The following MGST2 variants were observed in gnomAD, a reference collection of about 807,000 sequenced individuals.
MGST2 encodes the protein microsomal glutathione S-transferase 2.
In MGST2, 9 loss-of-function variants were observed where a neutral mutation model predicts 16.6. The ratio of observed to expected loss-of-function variants is 0.54; its 90% CI spans 0.33 to 0.95. MGST2 has a LOEUF of 0.95. Among genes scored for constraint, MGST2 ranks in the 40% least tolerant of loss-of-function variants. The probability of loss-of-function intolerance (pLI) is 0.03; values close to 1 mark genes in which losing one functional copy is unlikely to be tolerated. For synonymous variants in MGST2, 79 were observed against 68.0 expected, an observed-to-expected ratio of 1.16 and a Z score of -0.79; for missense variants, 159 against 175.1, an observed-to-expected ratio of 0.91 and a Z score of 0.52.
At chr4:139,725,890 A>G (rs1209412414) in intron 5 of MGST2, 1 of 1,418,686 alleles carries the variant, frequency 7.0e-7, no homozygotes, top group African/African-American at 1.4e-5. Flanking sequence ...GCAAGCACAC[A>G]ATTCAATATC....
rs532698914 is a variant in MGST2, at chr4:139,703,659, T to C, written c.311+123T>C. On this transcript the variant is annotated intron_variant, in intron 4 of 4. Coordinates refer to ENST00000265498, the MANE Select transcript of MGST2 (RefSeq NM_002413.5). ...TTGTGGTGGCAAAAGTAATCCATAC[T>C]GTCTGAGGTCAAGTCTTGCCAGTTC... The C allele has an allele frequency of 1.6e-4, 142 of 911,178 alleles. 1 individual carries two copies. The South Asian group carries it at 1.8e-3, about 12-fold the overall frequency. 56.4% of individuals were successfully genotyped at this position (911,178 alleles called of 1,614,324 possible).
chr4:139,698,384 C>A, intron 3 of MGST2: 1 of 1,601,796 alleles, frequency 6.2e-7, no homozygotes, highest in Non-Finnish European at 8.6e-7. Flanking sequence ...GTTCAGTGGA[C>A]TTCTGATAAC....
the MGST2 span, among the ~76,000 whole-genome samples, chr4:139,753,158 A>T: frequency 2.9e-3 from 435 of 152,338 alleles, 1 homozygote; most frequent in African/African-American, 9.7e-3. Context: ...TCATTGGGGT[A>T]AAATATACAT....
intron 2 of MGST2, among the ~76,000 whole-genome samples, chr4:139,693,483 C>G (rs1408290112): frequency 6.6e-6 from 1 of 151,752 alleles, no homozygotes; most frequent in African/African-American, 2.4e-5. Context: ...TACATTTTAC[C>G]TCGTGGGAAA....
At chr4:139,751,883 T>G in the MGST2 span, among the ~76,000 whole-genome samples, 10 of 152,184 alleles carry the variant, frequency 6.6e-5, no homozygotes, top group Admixed American at 1.3e-4. Context: ...AAGGTTACAG[T>G]ATAGCTCCTT....
intron 1 of MGST2, among the ~76,000 whole-genome samples, chr4:139,676,192 A>G (rs772308940): frequency 4.6e-5 from 7 of 152,320 alleles, no homozygotes; most frequent in East Asian, 1.9e-4. Context: ...TTCATTCAGC[A>G]TAATTATTTT....
At chr4:139,705,936 A>G (rs1339484714), downstream of MGST2, among the ~76,000 whole-genome samples, 1 of 152,208 alleles carries the variant, frequency 6.6e-6, no homozygotes, top group Non-Finnish European at 1.5e-5. Flanking sequence ...ACAGCTTTCA[A>G]ATAAAAGGCA....
intron 1 of MGST2, among the ~76,000 whole-genome samples, chr4:139,674,644 G>A (rs1730873966): frequency 6.6e-6 from 1 of 152,026 alleles, no homozygotes; most frequent in Non-Finnish European, 1.5e-5. Flanking sequence ...AGCTGGGCAT[G>A]GTGGCACATG....
chr4:139,712,093 G>A (rs186967), intron 5 of MGST2, among the ~76,000 whole-genome samples: 151,193 of 152,328 alleles, frequency 0.99, 75,036 homozygotes, highest in East Asian at 1. Flanking sequence ...TAGCAGTAAT[G>A]TATTCCACAA....
chr4:139,707,743 C>A (rs575148531), downstream of MGST2, among the ~76,000 whole-genome samples: 4 of 152,164 alleles, frequency 2.6e-5, no homozygotes, highest in East Asian at 7.7e-4. Context: ...TGAATGATCG[C>A]CATTCTAACT....
Position 139,703,179 on chromosome 4 carries a change from G to A in MGST2, c.230-276G>A, listed in dbSNP as rs141408387. ...GACCTCAAGTGATTCACCCCCCCTC[G>A]GCCTCTCAAAGTGTTGGGAATACAG... On this transcript the variant is annotated intron_variant, in intron 3 of 4. Transcript: ENST00000265498. Among the ~76,000 whole-genome samples, 1,261 of 151,724 alleles carry A rather than the reference G, an allele frequency of 8.3e-3. 13 individuals are homozygous for A. Among genetic ancestry groups the A allele is most frequent in the African/African-American group, 0.028 (1,148 of 41,278 alleles).
At chr4:139,709,626 G>A (rs1482619417) in intron 5 of MGST2, among the ~76,000 whole-genome samples, 1 of 152,140 alleles carries the variant, frequency 6.6e-6, no homozygotes, top group African/African-American at 2.4e-5. Context: ...AAGTGTATAG[G>A]TATTCGTTGT....
At chr4:139,687,872 T>C (rs1214843777) in intron 2 of MGST2, 2 of 152,230 alleles carry the variant, frequency 1.3e-5, no homozygotes, top group Non-Finnish European at 1.5e-5. Context: ...TGACAGTCTC[T>C]AGAGTCTTGC....
chr4:139,698,098 A>ATT (rs56810365), intron 3 of MGST2: 15,697 of 875,394 alleles, frequency 0.018, 1 homozygote, highest in East Asian at 0.05. Context: ...AAGAAGAGAA[A>ATT]TTTTTTTTTT....
chr4:139,692,585 C>T (rs1365693716), intron 2 of MGST2, among the ~76,000 whole-genome samples: 2 of 152,212 alleles, frequency 1.3e-5, no homozygotes, highest in Non-Finnish European at 2.9e-5. Flanking sequence ...TGAGGCATGG[C>T]ACCACTTGTA....
chr4:139,739,416 TGA>T (rs2111017703), intron 5 of MGST2, among the ~76,000 whole-genome samples: 1 of 152,320 alleles, frequency 6.6e-6, no homozygotes, highest in East Asian at 1.9e-4. Context: ...AACACAACTT[TGA>T]GAGTTATGCT....
At chr4:139,738,814 G>T (rs540157714) in intron 5 of MGST2, among the ~76,000 whole-genome samples, 2 of 152,078 alleles carry the variant, frequency 1.3e-5, no homozygotes, top group African/African-American at 4.8e-5. Context: ...TTAATATTTT[G>T]ATGTGTTTTT....
intron 5 of MGST2, chr4:139,720,282 G>T (rs776869274): frequency 6.4e-7 from 1 of 1,567,724 alleles, no homozygotes; most frequent in Non-Finnish European, 8.7e-7. Context: ...ATGCTCTGGA[G>T]GGCTGCTTGG....
chr4:139,666,218 C>G (rs1405535629), intron 1 of MGST2, 141 bp downstream of exon 1: 3 of 843,764 alleles, frequency 3.6e-6, no homozygotes, highest in Non-Finnish European at 5.9e-6. Context: ...AGCTCTGGGT[C>G]CTCAGAGCAC....
Sources: gnomAD v4.1 joint callset for allele counts (sites outside exome capture counted in the v4.1 genomes callset) on GRCh38, gnomAD v4.1.1 for gene constraint, MANE v1.5 for transcripts, NCBI Gene and HGNC (gene_info 2026-07-23, HGNC 2026-07-21) for gene names.